MSI2: variants seen among roughly 807,000 people sequenced by gnomAD.
MSI2 encodes musashi RNA binding protein 2.
A neutral mutation model predicts 45.6 loss-of-function variants in MSI2; 17 were observed. That is an observed-to-expected ratio of 0.37 (90% CI 0.26 to 0.56). The LOEUF is 0.56. MSI2 is among the 20% of genes least tolerant of loss of function. The probability of loss-of-function intolerance (pLI) is 0.77; values close to 1 mark genes in which losing one functional copy is unlikely to be tolerated. For synonymous variants in MSI2, 156 were observed against 158.2 expected, an observed-to-expected ratio of 0.99 and a Z score of 0.11; for missense variants, 293 against 444.2, an observed-to-expected ratio of 0.66 and a Z score of 3.06.
At chr17:57,691,227 CTATCTA>C in the MSI2 span, among the ~76,000 whole-genome samples, 222 of 151,728 alleles carry the variant, frequency 1.5e-3, no homozygotes, top group African/African-American at 5.2e-3. Context: ...ATCTATCTAT[CTATCTA>C]TCTATCTATA....
chr17:57,288,554 G>C (rs888651132), intron 5 of MSI2, among the ~76,000 whole-genome samples: 3 of 152,190 alleles, frequency 2.0e-5, no homozygotes, highest in Non-Finnish European at 2.9e-5. Context: ...AGAGCAGCGT[G>C]CACCGGAGAC....
intron 6 of MSI2, among the ~76,000 whole-genome samples, chr17:57,424,701 A>T (rs1338218624): frequency 6.6e-6 from 1 of 151,446 alleles, no homozygotes; most frequent in Admixed American, 6.6e-5. Flanking sequence ...TGCACCTGCC[A>T]GGTGGATGGA....
At chr17:57,645,402 TG>T (rs1287046273) in intron 10 of MSI2, among the ~76,000 whole-genome samples, 2 of 152,068 alleles carry the variant, frequency 1.3e-5, no homozygotes, top group Non-Finnish European at 2.9e-5. Context: ...GGCTGTACAC[TG>T]GGGTCATCTG....
chr17:57,266,298 G>T (rs1453623307), intron 5 of MSI2: 1 of 152,000 alleles, frequency 6.6e-6, no homozygotes, highest in East Asian at 1.9e-4. Flanking sequence ...TTCTTCACTG[G>T]GAGTCTGGCA....
chr17:57,265,864 G>C (rs1406263804), intron 5 of MSI2: 2 of 152,160 alleles, frequency 1.3e-5, no homozygotes, highest in Middle Eastern at 3.2e-3. Context: ...AGGATGATGG[G>C]GATCCATCAC....
intron 6 of MSI2, among the ~76,000 whole-genome samples, chr17:57,442,404 C>CT (rs1460340877): frequency 6.6e-6 from 1 of 152,200 alleles, no homozygotes; most frequent in Non-Finnish European, 1.5e-5. Context: ...AACAACCTCA[C>CT]TTTTGTAAAG....
At chr17:57,477,516 G>A (rs114643021) in intron 6 of MSI2, among the ~76,000 whole-genome samples, 2,025 of 152,172 alleles carry the variant, frequency 0.013, 45 homozygotes, top group African/African-American at 0.046. Flanking sequence ...CCCACCTCCC[G>A]CAAGCAAAGT....
intron 7 of MSI2, among the ~76,000 whole-genome samples, chr17:57,582,084 T>C (rs1396466822): frequency 6.6e-6 from 1 of 152,130 alleles, no homozygotes. Context: ...CTCCCGTGAA[T>C]TTCTCATGCA....
At chr17:57,640,712 ATTTTC>A (rs1226733803) in intron 10 of MSI2, among the ~76,000 whole-genome samples, 8 of 152,204 alleles carry the variant, frequency 5.3e-5, no homozygotes, top group African/African-American at 1.9e-4. Flanking sequence ...GTTGTGTACT[ATTTTC>A]TTTAACCTCT....
chr17:57,614,602 G>A (rs910123497), intron 8 of MSI2, among the ~76,000 whole-genome samples: 7 of 152,050 alleles, frequency 4.6e-5, no homozygotes, highest in African/African-American at 7.2e-5. Flanking sequence ...ACTATCAGGC[G>A]GCCATGCTGT....
At chr17:57,492,553 G>C (rs2085895283) in intron 6 of MSI2, among the ~76,000 whole-genome samples, 1 of 152,170 alleles carries the variant, frequency 6.6e-6, no homozygotes, top group Non-Finnish European at 1.5e-5. Flanking sequence ...CCATGCGTCT[G>C]ATGTGCTGTG....
At chr17:57,372,438 G>C (rs1052804129) in intron 5 of MSI2, among the ~76,000 whole-genome samples, 3 of 152,036 alleles carry the variant, frequency 2.0e-5, no homozygotes, top group African/African-American at 7.2e-5. Context: ...TTACCGCTTG[G>C]GTTTACAAAT....
At chr17:57,379,465 T>C (rs1421967315) in intron 5 of MSI2, among the ~76,000 whole-genome samples, 12 of 152,002 alleles carry the variant, frequency 7.9e-5, no homozygotes, top group Non-Finnish European at 4.4e-5. Context: ...GTGGTTGTTT[T>C]TTCGTTTTCT....
intron 7 of MSI2, among the ~76,000 whole-genome samples, chr17:57,564,901 C>T (rs551422639): frequency 3.3e-5 from 5 of 152,220 alleles, no homozygotes; most frequent in South Asian, 4.1e-4. Context: ...GCAATCGTGA[C>T]GCCTTGGGTT....
At chr17:57,260,059 CG>C (rs1271809557) in intron 4 of MSI2, 4 of 152,154 alleles carry the variant, frequency 2.6e-5, no homozygotes, top group African/African-American at 9.7e-5. Context: ...GTTTAGGTAA[CG>C]GCCATTCACA....
intron 6 of MSI2, among the ~76,000 whole-genome samples, chr17:57,411,261 C>T (rs940409471): frequency 4.6e-5 from 7 of 152,226 alleles, no homozygotes; most frequent in Non-Finnish European, 1.0e-4. Context: ...CCTGCCTCAG[C>T]CTCCCAAAGT....
At chr17:57,605,824 T>G (rs1906511191) in intron 8 of MSI2, among the ~76,000 whole-genome samples, 1 of 152,216 alleles carries the variant, frequency 6.6e-6, no homozygotes. Flanking sequence ...TTCTCCCTCT[T>G]TTAAATAAAT....
At chr17:57,488,314 A>G (rs929100618) in intron 6 of MSI2, among the ~76,000 whole-genome samples, 10 of 152,208 alleles carry the variant, frequency 6.6e-5, no homozygotes, top group African/African-American at 2.2e-4. Context: ...AGCTTGCTTG[A>G]ATAATGAAAG....
chr17:57,497,765 G>A (rs2086010539), intron 6 of MSI2, among the ~76,000 whole-genome samples: 1 of 152,198 alleles, frequency 6.6e-6, no homozygotes, highest in African/African-American at 2.4e-5. Flanking sequence ...CAAGTCACCA[G>A]GTGTGACTGA....
Sources: gnomAD v4.1 joint callset for allele counts (sites outside exome capture counted in the v4.1 genomes callset) on GRCh38, gnomAD v4.1.1 for gene constraint, MANE v1.5 for transcripts, NCBI Gene and HGNC (gene_info 2026-07-23, HGNC 2026-07-21) for gene names.